Variants in RASSF3 observed in about 807,000 individuals in gnomAD.
The protein encoded by RASSF3 is Ras association domain family member 3, also known as ras association domain-containing protein 3.
In RASSF3, 19 loss-of-function variants were observed where a neutral mutation model predicts 19.9. The ratio of observed to expected loss-of-function variants is 0.96; its 90% confidence interval spans 0.67 to 1.40. The LOEUF (loss-of-function observed/expected upper bound fraction) is 1.40. Among genes scored for constraint, RASSF3 ranks in the 40% most tolerant of loss-of-function variants. The pLI is 0.00. For synonymous variants in RASSF3, 110 were observed against 104.2 expected, an observed-to-expected ratio of 1.06 and a Z score of -0.34; for missense variants, 306 against 289.8, an observed-to-expected ratio of 1.06 and a Z score of -0.41.
intron 1 of RASSF3, among the ~76,000 whole-genome samples, chr12:64,631,400 G>C (rs1046844226): frequency 3.7e-4 from 56 of 152,258 alleles, no homozygotes; most frequent in African/African-American, 1.3e-3. Flanking sequence ...TGGGTGGTGA[G>C]TGAATAGTGC....
In RASSF3 at chr12:64,694,749, G is replaced by A. The variant is rs760466705; in HGVS notation, c.568-14G>A. 7.4e-6 allele frequency: 12 copies of A among 1,613,582 alleles called. No homozygotes were observed. Among genetic ancestry groups the A allele is most frequent in the Non-Finnish European group, 1.0e-5 (12 of 1,179,878 alleles). Reference sequence around the variant, plus strand: ...TTAAACATCTGGCATTTTTCTTTCTGTGTTTCCTGACAGTGGGAAGCCTTC... The same window carrying A: ...TTAAACATCTGGCATTTTTCTTTCTATGTTTCCTGACAGTGGGAAGCCTTC... On this transcript the variant is annotated splice_polypyrimidine_tract_variant and intron_variant, in intron 4 of 4. Coordinates refer to ENST00000542104, the MANE Select transcript of RASSF3 (RefSeq NM_178169.4).
At chr12:64,631,323 G>T (rs1377471269) in intron 1 of RASSF3, among the ~76,000 whole-genome samples, 2 of 152,148 alleles carry the variant, frequency 1.3e-5, no homozygotes, top group African/African-American at 4.8e-5. Flanking sequence ...GTGGAACTGT[G>T]TGGCAGTCTC....
chr12:64,595,556 T>C (rs761284337), intron 2 of RASSF3, among the ~76,000 whole-genome samples: 1 of 152,228 alleles, frequency 6.6e-6, no homozygotes, highest in Non-Finnish European at 1.5e-5. Flanking sequence ...AGTTCCCATA[T>C]GCGTATGTAA....
intron 2 of RASSF3, among the ~76,000 whole-genome samples, chr12:64,570,617 T>C (rs185895934): frequency 3.9e-5 from 6 of 152,332 alleles, no homozygotes; most frequent in Admixed American, 3.9e-4. Context: ...AATTGAAATA[T>C]ACTTCTATCC....
intron 1 of RASSF3, among the ~76,000 whole-genome samples, chr12:64,649,478 C>T (rs1169407756): frequency 6.6e-6 from 1 of 152,162 alleles, no homozygotes; most frequent in Non-Finnish European, 1.5e-5. Flanking sequence ...AGGCATGAGC[C>T]ACTGCGCCTG....
chr12:64,590,007 A>AG (rs1389795038), intron 2 of RASSF3, among the ~76,000 whole-genome samples: 1 of 150,708 alleles, frequency 6.6e-6, no homozygotes, highest in East Asian at 1.9e-4. Flanking sequence ...GTCTCAGGAA[A>AG]AAAAAAAAAA....
intron 1 of RASSF3, among the ~76,000 whole-genome samples, chr12:64,675,314 A>C (rs1292942219): frequency 2.0e-5 from 3 of 152,064 alleles, no homozygotes; most frequent in African/African-American, 7.2e-5. Context: ...TTTATTTTTT[A>C]ATTTTTTAAA....
chr12:64,633,754 G>A (rs1871239842), intron 1 of RASSF3, among the ~76,000 whole-genome samples: 1 of 152,152 alleles, frequency 6.6e-6, no homozygotes, highest in South Asian at 2.1e-4. Flanking sequence ...GCAGAGATTA[G>A]AAGAGTTTGG....
At chr12:64,533,755 C>G (rs1868764588) in intron 1 of RASSF3, 1 of 152,202 alleles carries the variant, frequency 6.6e-6, no homozygotes, top group Non-Finnish European at 1.5e-5. Context: ...GACTCAAGAA[C>G]TTTCAGGCTA....
At chr12:64,511,679 A>C (rs185328506) in intron 1 of RASSF3, among the ~76,000 whole-genome samples, 12 of 152,212 alleles carry the variant, frequency 7.9e-5, no homozygotes, top group Admixed American at 6.5e-4. Flanking sequence ...CTACCTCTTC[A>C]TTTCTTTTCC....
At chr12:64,616,939 C>T (rs1392977633) in intron 1 of RASSF3, among the ~76,000 whole-genome samples, 1 of 152,188 alleles carries the variant, frequency 6.6e-6, no homozygotes, top group African/African-American at 2.4e-5. Context: ...AGTCTTAAAG[C>T]CCGCTGTTCT....
rs185419148 is a variant in RASSF3 at position 64,549,369 on chromosome 12, G to A, written c.294+7664G>A. Among the ~76,000 whole-genome samples the A allele has an allele frequency of 5.3e-5, 8 of 152,192 alleles. No individual in the cohort carries two copies. In the East Asian group the frequency reaches 1.5e-3, roughly 29 times the overall value. ...TTTAAATGTTGAAAGCTAATCAGAGGCCACAAAGTCATTCTTAAAGTCATT... is the reference window on the plus strand; with the variant it reads ...TTTAAATGTTGAAAGCTAATCAGAGACCACAAAGTCATTCTTAAAGTCATT... On this transcript the variant is annotated intron_variant, in intron 2 of 5. Coordinates refer to the RASSF3 transcript ENST00000637125.
intron 2 of RASSF3, among the ~76,000 whole-genome samples, chr12:64,563,849 C>T (rs1282607370): frequency 6.6e-6 from 1 of 152,196 alleles, no homozygotes; most frequent in African/African-American, 2.4e-5. Flanking sequence ...TAACATATTA[C>T]ATACTCTGTT....
chr12:64,641,414 A>ACACACACACACACGCACGCGCG, intron 1 of RASSF3, among the ~76,000 whole-genome samples: 1 of 142,100 alleles, frequency 7.0e-6, no homozygotes, highest in African/African-American at 2.8e-5. Flanking sequence ...ACACACACAC[A>ACACACACACACACGCACGCGCG]CGCGCGCGCG....
chr12:64,572,284 T>G (rs531962708), intron 2 of RASSF3, among the ~76,000 whole-genome samples: 4 of 151,962 alleles, frequency 2.6e-5, no homozygotes, highest in African/African-American at 9.7e-5. Flanking sequence ...GCTGGGGACC[T>G]TCATGATAGG....
chr12:64,610,563 C>A lies in RASSF3; in HGVS notation c.-70C>A. ...CGCGCCGGGAACCTCGCGGGGCTGGCGGGCGCCGCACCCCCTCCCTGGCCG... is the reference window on the plus strand; with the variant it reads ...CGCGCCGGGAACCTCGCGGGGCTGGAGGGCGCCGCACCCCCTCCCTGGCCG... On this transcript the variant is annotated 5_prime_UTR_variant, in exon 1 of 5. Transcript: ENST00000542104. The A allele has an allele frequency of 1.3e-6, 1 of 760,446 alleles. No homozygotes were observed. The highest frequency in any genetic ancestry group is 1.8e-6 in the Non-Finnish European group (1 of 552,486). 47.1% of individuals were successfully genotyped at this position (760,446 alleles called of 1,614,324 possible). A position where few individuals can be genotyped will look rare whatever the true frequency, so the allele number is the denominator to read the frequency against.
At chr12:64,543,425 C>G (rs191619682), downstream of RASSF3, among the ~76,000 whole-genome samples, 13 of 53,378 alleles carry the variant, frequency 2.4e-4, no homozygotes, top group African/African-American at 7.4e-4. Flanking sequence ...CCCCCCGGCT[C>G]CCCGCCCGCC....
chr12:64,517,309 C>T (rs112087292), intron 1 of RASSF3, among the ~76,000 whole-genome samples: 3 of 25,588 alleles, frequency 1.2e-4, no homozygotes, highest in Non-Finnish European at 2.8e-4. Context: ...ATTAATTCCT[C>T]CCCCCCCCCA....
chr12:64,530,321 T>C (rs572800598), upstream of RASSF3, among the ~76,000 whole-genome samples: 2 of 151,918 alleles, frequency 1.3e-5, no homozygotes, highest in African/African-American at 4.8e-5. Flanking sequence ...TTTTTTTTTT[T>C]CCATAGAGAC....
Sources: gnomAD v4.1 joint callset for allele counts (sites outside exome capture counted in the v4.1 genomes callset) on GRCh38, gnomAD v4.1.1 for gene constraint, MANE v1.5 for transcripts, NCBI Gene and HGNC (gene_info 2026-07-23, HGNC 2026-07-21) for gene names.